The following FAM184A variants were observed in gnomAD, a reference collection of about 807,000 sequenced individuals.
The protein encoded by FAM184A is family with sequence similarity 184 member A, also known as protein FAM184A.
A neutral mutation model predicts 143.8 loss-of-function variants in FAM184A; 99 were observed. That is an observed-to-expected ratio of 0.69 (90% CI 0.58 to 0.81). The LOEUF is 0.81. Ranked by LOEUF, FAM184A falls within the 40% of genes least tolerant of loss-of-function variation. The pLI is 0.00. For missense variants in FAM184A, 1,217 were observed against 1,310.5 expected (o/e 0.93, Z 1.10); for synonymous variants, 427 against 446.4 (o/e 0.96, Z 0.55).
At chr6:119,050,404 A>G (rs952952697) in intron 1 of FAM184A, among the ~76,000 whole-genome samples, 1 of 152,146 alleles carries the variant, frequency 6.6e-6, no homozygotes, top group Non-Finnish European at 1.5e-5. Flanking sequence ...ACTATTCACA[A>G]TAGCAAAGAC....
intron 1 of FAM184A, among the ~76,000 whole-genome samples, chr6:119,125,931 T>C (rs1789354116): frequency 6.6e-6 from 1 of 152,236 alleles, no homozygotes; most frequent in African/African-American, 2.4e-5. Context: ...TTTCTATTAC[T>C]GCATAACTAA....
chr6:118,964,770 T>A lies in FAM184A; in HGVS notation c.3035A>T (p.Glu1012Val). The A allele has an allele frequency of 6.6e-7, 1 of 1,518,450 alleles. No individual in the cohort carries two copies. The highest frequency in any genetic ancestry group is 9.1e-7 in the Non-Finnish European group (1 of 1,098,632). 94.1% of individuals were successfully genotyped at this position (1,518,450 alleles called of 1,614,324 possible). A position where few individuals can be genotyped will look rare whatever the true frequency, so the allele number is the denominator to read the frequency against. ...TTCCAGCTGATAAAACTTATTATCCTCCTATGCAAAAGAATTATAAACATC... is the reference window on the plus strand; with the variant it reads ...TTCCAGCTGATAAAACTTATTATCCACCTATGCAAAAGAATTATAAACATC... ...ERDQIIKKLI[E>V]DNKFYQLELV... Residue 1012 changes from glutamate (E) to valine (V), a missense_variant and splice_region_variant, in exon 16 of 18, where the codon GAG (glutamate) becomes GTG (valine). Glu to Val is a moderately radical substitution (Grantham distance 121, BLOSUM62 -2). Transcript: ENST00000338891.
intron 9 of FAM184A, among the ~76,000 whole-genome samples, chr6:118,997,593 C>T (rs983156010): frequency 6.6e-6 from 1 of 151,846 alleles, no homozygotes; most frequent in Non-Finnish European, 1.5e-5. Context: ...GAGGCTGAGG[C>T]TGGAGAATCA....
chr6:119,092,814 T>C (rs1249888077), intron 1 of FAM184A, among the ~76,000 whole-genome samples: 1 of 152,182 alleles, frequency 6.6e-6, no homozygotes, highest in Non-Finnish European at 1.5e-5. Context: ...ATTATACTTT[T>C]CTACTGTGGC....
At chr6:119,137,178 A>G (rs1789693715) in intron 1 of FAM184A, among the ~76,000 whole-genome samples, 1 of 152,222 alleles carries the variant, frequency 6.6e-6, no homozygotes, top group South Asian at 2.1e-4. Context: ...TCAGGGTGCC[A>G]GCCTAGTCTG....
chr6:119,025,923 G>A (rs1372757836), intron 1 of FAM184A, among the ~76,000 whole-genome samples: 2 of 152,174 alleles, frequency 1.3e-5, no homozygotes, highest in East Asian at 3.9e-4. Flanking sequence ...AATTATTCAT[G>A]CAGCCTGAGG....
At chr6:119,028,269 G>C (rs1226739569) in intron 1 of FAM184A, among the ~76,000 whole-genome samples, 2 of 152,172 alleles carry the variant, frequency 1.3e-5, no homozygotes, top group Non-Finnish European at 2.9e-5. Context: ...GCAGACTCCA[G>C]TTCTGTTCTT....
In FAM184A at chr6:119,000,474, A is replaced by G. The variant is rs574401575; in HGVS notation, c.2088+2425T>C. ...AATCGTAGCACAGAATGAAAATAAT[A>G]GCTTTTGGAAAATTCCATGAAGTGA... On this transcript the variant is annotated intron_variant, in intron 9 of 17. Coordinates refer to ENST00000338891, the MANE Select transcript of FAM184A (RefSeq NM_024581.6). Among the ~76,000 whole-genome samples, 9 of 152,348 alleles carry G rather than the reference A, an allele frequency of 5.9e-5. No individual in the cohort carries two copies. In the East Asian group the frequency reaches 1.7e-3, roughly 29 times the overall value.
intron 1 of FAM184A, among the ~76,000 whole-genome samples, chr6:119,037,349 A>G (rs996247762): frequency 3.3e-5 from 5 of 152,100 alleles, no homozygotes; most frequent in African/African-American, 1.2e-4. Flanking sequence ...AAGTTTTTTA[A>G]GAGACAGGGC....
chr6:119,031,678 A>C (rs1212629472), intron 1 of FAM184A: 1 of 152,230 alleles, frequency 6.6e-6, no homozygotes, highest in East Asian at 1.9e-4. Context: ...ATTTGTAATA[A>C]CATACATTCA....
chr6:119,061,337 G>A lies in FAM184A; in HGVS notation c.159+16804C>T, dbSNP rs114852700. On this transcript the variant is annotated intron_variant, in intron 1 of 17. Transcript: ENST00000338891. Reference sequence around the variant, plus strand: ...GGAAAAGCAATATCCTGAGGAGAGAGCCAGGATTACTTTTCTTTCTTTCTT... The same window carrying A: ...GGAAAAGCAATATCCTGAGGAGAGAACCAGGATTACTTTTCTTTCTTTCTT... Among the ~76,000 whole-genome samples, 510 of 151,972 alleles carry A rather than the reference G, an allele frequency of 3.4e-3. 4 individuals are homozygous for A. Among genetic ancestry groups the A allele is most frequent in the African/African-American group, 0.012 (487 of 41,454 alleles).
chr6:119,087,481 A>T (rs1441851471), intron 1 of FAM184A, among the ~76,000 whole-genome samples: 1 of 152,220 alleles, frequency 6.6e-6, no homozygotes, highest in African/African-American at 2.4e-5. Context: ...ATAAACACAT[A>T]AAAAGATGGT....
At chr6:119,118,821 A>AG (rs892394073) in intron 1 of FAM184A, among the ~76,000 whole-genome samples, 9 of 152,206 alleles carry the variant, frequency 5.9e-5, no homozygotes, top group African/African-American at 9.7e-5. Flanking sequence ...TGAAAAAAAA[A>AG]CAAGATAACA....
At chr6:118,989,763 TAAGAA>T (rs1434024151) in intron 9 of FAM184A, among the ~76,000 whole-genome samples, 2 of 151,666 alleles carry the variant, frequency 1.3e-5, no homozygotes, top group African/African-American at 4.8e-5. Flanking sequence ...TCACAAAACT[TAAGAA>T]AATTGGAAGA....
At chr6:119,138,366 T>C (rs774811549) in intron 1 of FAM184A, among the ~76,000 whole-genome samples, 3 of 152,224 alleles carry the variant, frequency 2.0e-5, no homozygotes, top group Non-Finnish European at 4.4e-5. Context: ...CTTAAAGTTC[T>C]AGGGGTCAGA....
At chr6:119,082,296 A>C (rs560707967), upstream of FAM184A, among the ~76,000 whole-genome samples, 4 of 152,324 alleles carry the variant, frequency 2.6e-5, no homozygotes, top group Admixed American at 2.0e-4. Flanking sequence ...GAGCCAAATC[A>C]TATCATTCCA....
At chr6:119,004,883 C>A (rs193239267) in intron 7 of FAM184A, among the ~76,000 whole-genome samples, 1 of 151,946 alleles carries the variant, frequency 6.6e-6, no homozygotes, top group Non-Finnish European at 1.5e-5. Flanking sequence ...CCAGGACAGC[C>A]GGGGGAAAGG....
At chr6:119,105,927 T>C (rs1379411468) in intron 1 of FAM184A, among the ~76,000 whole-genome samples, 3 of 152,178 alleles carry the variant, frequency 2.0e-5, no homozygotes. Flanking sequence ...TATGTATAAC[T>C]AACGTGAAGA....
At chr6:119,006,264 G>T in intron 7 of FAM184A, 183 bp downstream of exon 7, 1 of 743,612 alleles carries the variant, frequency 1.3e-6, no homozygotes, top group South Asian at 1.5e-5. Flanking sequence ...CTAGCCTCCA[G>T]AGCTATGAGA....
Sources: allele counts gnomAD v4.1 joint callset (sites outside exome capture counted in the v4.1 genomes callset), GRCh38; gene constraint gnomAD v4.1.1; transcripts MANE v1.5; gene names NCBI Gene and HGNC (gene_info 2026-07-23, HGNC 2026-07-21).